The following TRMT10B variants were observed in gnomAD, a reference collection of about 807,000 sequenced individuals.
The protein encoded by TRMT10B is tRNA methyltransferase 10B.
TRMT10B carries 33 observed loss-of-function variants against 43.8 expected under a neutral mutation model. The ratio of observed to expected loss-of-function variants is 0.75; its 90% CI spans 0.57 to 1.01. The LOEUF is 1.01. Ranked by LOEUF, TRMT10B falls within the 50% of genes least tolerant of loss-of-function variation. TRMT10B has a pLI of 0.00. For missense variants in TRMT10B, 362 were observed against 369.8 expected (o/e 0.98, Z 0.17); for synonymous variants, 137 against 130.6 (o/e 1.05, Z -0.34).
intron 1 of TRMT10B, among the ~76,000 whole-genome samples, chr9:37,759,861 A>G (rs546705735): frequency 2.0e-5 from 3 of 152,330 alleles, no homozygotes; most frequent in Admixed American, 6.5e-5. Flanking sequence ...CCATATCTTG[A>G]CAGGATTGTC....
Position 37,778,018 on chromosome 9 carries a change from A to G in TRMT10B, c.*311A>G, listed in dbSNP as rs1828369846. 9.3e-6 allele frequency: 2 copies of G among 215,422 alleles called. No individual in the cohort carries two copies. Among genetic ancestry groups the G allele is most frequent in the African/African-American group, 4.7e-5 (2 of 42,716 alleles). The allele number at this position is 215,422 out of a possible 1,614,324, so 13.3% of individuals were successfully genotyped here. A position where few individuals can be genotyped will look rare whatever the true frequency, so the allele number is the denominator to read the frequency against. ...AGACTCCATCTCAAAAAAAAAATAA[A>G]TAAAAAAAAATGCAGCTGCAGGAGT... On this transcript the variant is annotated 3_prime_UTR_variant, in exon 9 of 9. Coordinates refer to ENST00000297994, the MANE Select transcript of TRMT10B (RefSeq NM_144964.4).
intron 1 of TRMT10B, among the ~76,000 whole-genome samples, chr9:37,761,533 A>G (rs1414487074): frequency 6.6e-6 from 1 of 152,120 alleles, no homozygotes; most frequent in Non-Finnish European, 1.5e-5. Flanking sequence ...ACCCATCTCT[A>G]CTAAAAATAG....
rs374544668 is a variant in TRMT10B, at chr9:37,760,281, C to T, written c.-29-1622C>T. On this transcript the variant is annotated intron_variant, in intron 1 of 8. Coordinates refer to ENST00000297994, the MANE Select transcript of TRMT10B (RefSeq NM_144964.4). Reference sequence around the variant, plus strand: ...AGGTTGCAGTGAGCTGAGATTGCAACGCTGCACTCCAGCCTGGGTGACAGT... The same window carrying T: ...AGGTTGCAGTGAGCTGAGATTGCAATGCTGCACTCCAGCCTGGGTGACAGT... Among the ~76,000 whole-genome samples, 64 of 152,318 alleles carry T rather than the reference C, an allele frequency of 4.2e-4. 1 individual carries two copies. In the South Asian group the frequency reaches 0.011, roughly 26 times the overall value.
chr9:37,755,481 C>A (rs866883547), intron 1 of TRMT10B, among the ~76,000 whole-genome samples: 1 of 152,196 alleles, frequency 6.6e-6, no homozygotes, highest in Non-Finnish European at 1.5e-5. Context: ...GAGCAGATCT[C>A]TGCTTCTGTG....
intron 6 of TRMT10B, among the ~76,000 whole-genome samples, chr9:37,770,466 T>A (rs1827449252): frequency 6.6e-6 from 1 of 152,258 alleles, no homozygotes; most frequent in South Asian, 2.1e-4. Flanking sequence ...TTGGGTCTGC[T>A]ACCCTTTTTC....
chr9:37,767,123 A>G (rs951895406), intron 4 of TRMT10B: 1 of 152,144 alleles, frequency 6.6e-6, no homozygotes, highest in African/African-American at 2.4e-5. Context: ...TTTATGTGCT[A>G]GTGTTTGCAT....
chr9:37,769,863 A>G, intron 5 of TRMT10B, 78 bp from the exon 6 acceptor site: 1 of 1,157,064 alleles, frequency 8.6e-7, no homozygotes, highest in South Asian at 1.2e-5. Flanking sequence ...TTAGCCTCCC[A>G]AAGTTCTGGG....
chr9:37,758,805 T>G (rs1825985643), intron 1 of TRMT10B, among the ~76,000 whole-genome samples: 1 of 152,116 alleles, frequency 6.6e-6, no homozygotes, highest in African/African-American at 2.4e-5. Flanking sequence ...CTGTAATCCT[T>G]GAGGGAAAAG....
intron 4 of TRMT10B, among the ~76,000 whole-genome samples, chr9:37,764,338 T>G (rs1826751305): frequency 7.2e-6 from 1 of 139,562 alleles, no homozygotes; most frequent in South Asian, 2.2e-4. Flanking sequence ...TTTTTTTTTT[T>G]GGAGACAGAG....
intron 3 of TRMT10B, 55 bp downstream of exon 3, chr9:37,762,740 C>T: frequency 6.6e-7 from 1 of 1,513,896 alleles, no homozygotes; most frequent in Non-Finnish European, 8.9e-7. Flanking sequence ...GCAAACGTGT[C>T]TGCATGTTCC....
intron 1 of TRMT10B, among the ~76,000 whole-genome samples, chr9:37,754,483 T>C (rs1413616724): frequency 1.4e-4 from 21 of 152,216 alleles, no homozygotes; most frequent in Admixed American, 1.4e-3. Context: ...GGCTATTTAC[T>C]GTCAGTGAAA....
chr9:37,773,920 C>T (rs991188534), intron 7 of TRMT10B, among the ~76,000 whole-genome samples: 1 of 144,932 alleles, frequency 6.9e-6, no homozygotes, highest in Admixed American at 7.1e-5. Flanking sequence ...CACTGCACTT[C>T]AGCCTGGGTG....
chr9:37,760,816 G>A (rs550847219), intron 1 of TRMT10B, among the ~76,000 whole-genome samples: 20 of 152,260 alleles, frequency 1.3e-4, no homozygotes, highest in South Asian at 4.2e-4. Flanking sequence ...AAGTGGTTGT[G>A]TGACTACACC....
intron 1 of TRMT10B, among the ~76,000 whole-genome samples, chr9:37,754,365 G>A (rs1339039433): frequency 6.6e-6 from 1 of 152,196 alleles, no homozygotes; most frequent in Non-Finnish European, 1.5e-5. Flanking sequence ...AACGGCGAAT[G>A]TAAAGGCCTT....
intron 4 of TRMT10B, among the ~76,000 whole-genome samples, chr9:37,764,726 A>G (rs1168526908): frequency 6.6e-6 from 1 of 151,966 alleles, no homozygotes; most frequent in East Asian, 1.9e-4. Context: ...GCCTGGCCTC[A>G]ATGTATGTGT....
At chr9:37,758,728 A>G (rs971137602) in intron 1 of TRMT10B, among the ~76,000 whole-genome samples, 85 of 152,302 alleles carry the variant, frequency 5.6e-4, no homozygotes, top group African/African-American at 2.0e-3. Flanking sequence ...TCCTACAATA[A>G]ACTATAAAAC....
chr9:37,771,344 C>A (rs1049994307), intron 7 of TRMT10B, among the ~76,000 whole-genome samples: 1 of 152,138 alleles, frequency 6.6e-6, no homozygotes, highest in Non-Finnish European at 1.5e-5. Flanking sequence ...TCTCCCAATT[C>A]CCCTCCCCTG....
At chr9:37,760,915 G>T (rs1375721573) in intron 1 of TRMT10B, among the ~76,000 whole-genome samples, 1 of 152,218 alleles carries the variant, frequency 6.6e-6, no homozygotes, top group Admixed American at 6.5e-5. Flanking sequence ...ATATCGTTCA[G>T]ATTTTGAACT....
chr9:37,770,113 A>C (rs1476304662), intron 6 of TRMT10B, 94 bp downstream of exon 6: 3 of 1,032,630 alleles, frequency 2.9e-6, no homozygotes, highest in Admixed American at 1.7e-5. Context: ...CAAGAAGGAC[A>C]CCCCTCCCCA....
Sources: allele counts gnomAD v4.1 joint callset (sites outside exome capture counted in the v4.1 genomes callset), GRCh38; gene constraint gnomAD v4.1.1; transcripts MANE v1.5; gene names NCBI Gene and HGNC (gene_info 2026-07-23, HGNC 2026-07-21).